The following YWHAG variants were observed in gnomAD, a reference collection of about 807,000 sequenced individuals.
YWHAG encodes the protein tyrosine 3-monooxygenase/tryptophan 5-monooxygenase activation protein gamma.
YWHAG carries 1 observed loss-of-function variant against 23.3 expected under a neutral mutation model. The ratio of observed to expected loss-of-function variants is 0.04; its 90% confidence interval spans 0.02 to 0.20. YWHAG has a LOEUF of 0.20. YWHAG is among the 10% of genes least tolerant of loss of function. YWHAG has a pLI of 1.00. For missense variants in YWHAG, 151 were observed against 338.6 expected, an observed-to-expected ratio of 0.45 and a Z score of 4.35; for synonymous variants, 160 against 144.0, an observed-to-expected ratio of 1.11 and a Z score of -0.80.
At chr7:76,348,539 G>A (rs920503316) in intron 1 of YWHAG, among the ~76,000 whole-genome samples, 2 of 151,750 alleles carry the variant, frequency 1.3e-5, no homozygotes, top group Admixed American at 6.6e-5. Flanking sequence ...GAGTAGCTGG[G>A]GCTACAGGTG....
At chr7:76,348,753 T>A (rs905604719) in intron 1 of YWHAG, among the ~76,000 whole-genome samples, 2 of 151,892 alleles carry the variant, frequency 1.3e-5, no homozygotes, top group Admixed American at 6.6e-5. Context: ...TTGGCCAGGC[T>A]GGTCTCAAAC....
intron 1 of YWHAG, among the ~76,000 whole-genome samples, chr7:76,331,851 T>A (rs1990453): frequency 0.26 from 39,592 of 150,576 alleles, 5,454 homozygotes; most frequent in East Asian, 0.49. Flanking sequence ...AAAAAAAAAA[T>A]TTTTTTTCTT....
At chr7:76,334,359 G>T (rs1329962292) in intron 1 of YWHAG, among the ~76,000 whole-genome samples, 17 of 152,174 alleles carry the variant, frequency 1.1e-4, no homozygotes, top group Non-Finnish European at 2.5e-4. Context: ...ACTATTCAAT[G>T]TGGGAAGATA....
chr7:76,345,231 G>C (rs1042469822), intron 1 of YWHAG, among the ~76,000 whole-genome samples: 1 of 150,246 alleles, frequency 6.7e-6, no homozygotes, highest in Admixed American at 6.6e-5. Flanking sequence ...TGTTGCCCAG[G>C]CTGGAGTGCA....
chr7:76,334,137 TAAAGA>T (rs1395349353), intron 1 of YWHAG, among the ~76,000 whole-genome samples: 1 of 152,198 alleles, frequency 6.6e-6, no homozygotes. Context: ...CTAAAAAGTC[TAAAGA>T]AAAGTTGTTC....
intron 1 of YWHAG, among the ~76,000 whole-genome samples, chr7:76,351,832 T>C (rs1175030752): frequency 1.3e-5 from 2 of 152,132 alleles, no homozygotes; most frequent in Non-Finnish European, 2.9e-5. Flanking sequence ...GTAGCAATAA[T>C]AAAGTGCACA....
Position 76,329,457 on chromosome 7 carries a change from G to A in YWHAG, c.*120C>T, listed in dbSNP as rs1803507252. 5 of 1,259,578 alleles carry A rather than the reference G, an allele frequency of 4.0e-6. No individual in the cohort carries two copies. In the East Asian group the frequency reaches 1.3e-4, roughly 32 times the overall value. The allele number at this position is 1,259,578 out of a possible 1,614,324, so 78.0% of individuals were successfully genotyped here. On this transcript the variant is annotated 3_prime_UTR_variant, in exon 2 of 2. Coordinates refer to ENST00000307630, the MANE Select transcript of YWHAG (RefSeq NM_012479.4). This position sits in a 1 kb window ranked among gnomAD's most constrained non-coding sequence, Gnocchi z 6.1. ...GGCGATCAAAGACAGGACAGGTCGT[G>A]GGTTTCTCCCTGGGAAGGTCATCCC...
intron 1 of YWHAG, among the ~76,000 whole-genome samples, chr7:76,337,916 T>C (rs1803639391): frequency 6.6e-6 from 1 of 152,178 alleles, no homozygotes; most frequent in African/African-American, 2.4e-5. Context: ...TCCCAGTACA[T>C]CACCAAGCCT....
intron 1 of YWHAG, among the ~76,000 whole-genome samples, chr7:76,346,256 G>A (rs902283546): frequency 4.6e-5 from 7 of 152,012 alleles, no homozygotes; most frequent in African/African-American, 9.7e-5. Context: ...TTCCTTCCTC[G>A]TTCCAGTCAC....
At chr7:76,349,337 C>CAAA (rs35871141) in intron 1 of YWHAG, among the ~76,000 whole-genome samples, 4 of 118,928 alleles carry the variant, frequency 3.4e-5, no homozygotes, top group African/African-American at 1.3e-4. Context: ...GACTCTGTCT[C>CAAA]AAAAAAAAAA....
Position 76,329,661 on chromosome 7 carries a change from C to A in YWHAG, c.660G>T (p.Thr220=), listed in dbSNP as rs563125209. The A allele has an allele frequency of 2.5e-6, 4 of 1,614,204 alleles. No individual in the cohort carries two copies. The highest frequency in any genetic ancestry group is 3.4e-6 in the Non-Finnish European group (4 of 1,180,036). Residue 220 remains threonine (T), a synonymous_variant, in exon 2 of 2, where the codon ACG becomes ACT. Coordinates refer to ENST00000307630, the MANE Select transcript of YWHAG (RefSeq NM_012479.4). The surrounding 1 kb of genome is among the most constrained non-coding windows in gnomAD (Gnocchi z 6.1). ...TGTCGCGGAGGAGCTGCATGATGAG[C>A]GTGGAGTCCTTGTAGGAGTCCTCGT... ...TLNEDSYKDS[T]LIMQLLRDNL... is the part of the protein sequence containing the mutation.
Position 76,348,265 on chromosome 7 carries a change from G to GTT in YWHAG, c.87+10455_87+10456dup, listed in dbSNP as rs201085040. On this transcript the variant is annotated intron_variant, in intron 1 of 1. Transcript: ENST00000307630. ...ACTTAAAACAAGAGCCTTAGACTTC[G>GTT]TTTTTTTTTTTTTTTTTTGGAGATA... Among the ~76,000 whole-genome samples, 12 of 127,366 alleles carry GTT rather than the reference G, an allele frequency of 9.4e-5. 1 individual carries two copies. Among genetic ancestry groups the GTT allele is most frequent in the South Asian group, 2.4e-4 (1 of 4,110 alleles). The allele number at this position is 127,366 out of a possible 152,430, so 83.6% of individuals were successfully genotyped here.
intron 1 of YWHAG, among the ~76,000 whole-genome samples, chr7:76,338,750 C>T (rs991215487): frequency 5.9e-5 from 9 of 152,164 alleles, no homozygotes; most frequent in Non-Finnish European, 8.8e-5. Flanking sequence ...AATGCTCAAC[C>T]TCATTCATTC....
chr7:76,327,660 C>A lies in YWHAG; in HGVS notation c.*1917G>T, dbSNP rs1803465082. Reference sequence around the variant, plus strand: ...TGAAGATAAATTAGGGAAAGCCCCACCTACCCTGCCCCCCCCCCCCTCCCC... The same window carrying A: ...TGAAGATAAATTAGGGAAAGCCCCAACTACCCTGCCCCCCCCCCCCTCCCC... On this transcript the variant is annotated 3_prime_UTR_variant, in exon 2 of 2. Transcript: ENST00000307630. 2.0e-5 allele frequency: 2 copies of A among 97,938 alleles called. No homozygotes were observed. Among genetic ancestry groups the A allele is most frequent in the Non-Finnish European group, 2.1e-5 (1 of 47,314 alleles). The allele number at this position is 97,938 out of a possible 1,614,324, so 6.1% of individuals were successfully genotyped here. A position where few individuals can be genotyped will look rare whatever the true frequency, so the allele number is the denominator to read the frequency against.
chr7:76,338,569 T>C (rs1417860030), intron 1 of YWHAG, among the ~76,000 whole-genome samples: 2 of 152,192 alleles, frequency 1.3e-5, no homozygotes, highest in Non-Finnish European at 2.9e-5. Flanking sequence ...GTGCTCTTTT[T>C]CTATGCTAAG....
chr7:76,331,386 TTACA>T lies in YWHAG; in HGVS notation c.88-1157_88-1154del, dbSNP rs541829893. On this transcript the variant is annotated intron_variant, in intron 1 of 1. Transcript: ENST00000307630. ...ACTGCAGCATCTGTATAACATTATATTACATACAGAGACGACAGGTAGGGACCTA... is the reference window on the plus strand; with the variant it reads ...ACTGCAGCATCTGTATAACATTATATTACAGAGACGACAGGTAGGGACCTA... 2.8e-4 allele frequency among the ~76,000 whole-genome samples: 42 copies of T among 152,060 alleles called. 1 individual carries two copies. Among genetic ancestry groups the T allele is most frequent in the Non-Finnish European group, 5.4e-4 (37 of 68,034 alleles).
intron 1 of YWHAG, among the ~76,000 whole-genome samples, chr7:76,332,969 T>C (rs1803567017): frequency 6.7e-6 from 1 of 149,550 alleles, no homozygotes; most frequent in African/African-American, 2.5e-5. Context: ...CTATGGCTGA[T>C]TTATTTATTT....
intron 1 of YWHAG, among the ~76,000 whole-genome samples, chr7:76,352,920 G>A (rs1803897034): frequency 6.6e-6 from 1 of 152,086 alleles, no homozygotes; most frequent in African/African-American, 2.4e-5. Context: ...CAAAGTGCTG[G>A]GATTACAGGC....
At chr7:76,344,170 G>A (rs540597791) in intron 1 of YWHAG, among the ~76,000 whole-genome samples, 1 of 152,136 alleles carries the variant, frequency 6.6e-6, no homozygotes, top group Admixed American at 6.6e-5. Flanking sequence ...GAATGCAGTG[G>A]TGCGATATCG....
Sources: gnomAD v4.1 joint callset for allele counts (sites outside exome capture counted in the v4.1 genomes callset) on GRCh38, gnomAD v4.1.1 for gene constraint, Gnocchi (gnomAD v3.1) non-coding constraint, MANE v1.5 for transcripts, NCBI Gene and HGNC (gene_info 2026-07-23, HGNC 2026-07-21) for gene names.